The following BLTP1 variants were observed in gnomAD, a reference collection of about 807,000 sequenced individuals.
BLTP1 encodes the protein bridge-like lipid transfer protein family member 1, also known as fragile site-associated protein.
the BLTP1 span, chr4:122,247,068 T>G: frequency 9.8e-6 from 14 of 1,425,374 alleles, no homozygotes; most frequent in Non-Finnish European, 1.3e-5. Context: ...GAGTGTTTTG[T>G]TTTTTTTAAA....
At chr4:122,193,655 A>G in the BLTP1 span, 2 of 840,976 alleles carry the variant, frequency 2.4e-6, no homozygotes, top group Admixed American at 6.2e-5. Flanking sequence ...TCTTAAAATT[A>G]GTTAAATTAG....
chr4:122,261,937 A>C, the BLTP1 span: 1 of 985,372 alleles, frequency 1.0e-6, no homozygotes, highest in Non-Finnish European at 1.2e-6. Flanking sequence ...GAGGAGGTTA[A>C]GACATTTAAG....
the BLTP1 span, chr4:122,178,195 A>G: frequency 1.2e-6 from 1 of 842,698 alleles, no homozygotes; most frequent in Non-Finnish European, 1.4e-6. Flanking sequence ...ACCAGTAGAA[A>G]TTAATTCTTA....
At chr4:122,352,033 T>C in the BLTP1 span, among the ~76,000 whole-genome samples, 4 of 152,170 alleles carry the variant, frequency 2.6e-5, no homozygotes, top group Non-Finnish European at 5.9e-5. Flanking sequence ...GATTTTGATA[T>C]AGTAGGTACA....
At chr4:122,294,947 A>G in the BLTP1 span, among the ~76,000 whole-genome samples, 2 of 152,196 alleles carry the variant, frequency 1.3e-5, no homozygotes, top group African/African-American at 2.4e-5. Context: ...TGAAAAACAC[A>G]GCAGGAGAAC....
the BLTP1 span, chr4:122,254,967 A>G: frequency 6.3e-7 from 1 of 1,582,060 alleles, no homozygotes; most frequent in African/African-American, 1.4e-5. Context: ...TATGTCTTTA[A>G]ATAATACAAG....
At chr4:122,272,029 T>G in the BLTP1 span, 3 of 1,163,740 alleles carry the variant, frequency 2.6e-6, no homozygotes, top group Non-Finnish European at 2.4e-6. Flanking sequence ...TTTTTAATCA[T>G]TTTGTTGGGG....
At chr4:122,188,814 G>A in the BLTP1 span, 3 of 312,480 alleles carry the variant, frequency 9.6e-6, no homozygotes, top group Non-Finnish European at 1.4e-5. Context: ...CAGTGTCTCA[G>A]CTTTTATCTT....
chr4:122,153,008 C>T, the BLTP1 span: 1 of 985,362 alleles, frequency 1.0e-6, no homozygotes, highest in Non-Finnish European at 1.2e-6. Context: ...GAACAACCCC[C>T]GCTTTCTTCT....
At chr4:122,318,146 G>C in the BLTP1 span, 1 of 1,594,104 alleles carries the variant, frequency 6.3e-7, no homozygotes, top group African/African-American at 1.4e-5. Context: ...TTTGCATCCA[G>C]AAAATTAGGT....
the BLTP1 span, chr4:122,347,399 A>G: frequency 2.0e-5 from 27 of 1,356,532 alleles, no homozygotes; most frequent in Non-Finnish European, 2.6e-5. Flanking sequence ...CAGCTGCTAA[A>G]TAGAGAACTA....
At chr4:122,199,354 A>G in the BLTP1 span, 1 of 1,609,564 alleles carries the variant, frequency 6.2e-7, no homozygotes, top group South Asian at 1.1e-5. Context: ...TGTTTTTATT[A>G]TTAGGTTACA....
chr4:122,246,560 T>C, the BLTP1 span: 2 of 1,212,350 alleles, frequency 1.6e-6, no homozygotes, highest in Non-Finnish European at 2.3e-6. Context: ...TTCATAAGCT[T>C]TGTCTTCACT....
chr4:122,328,059 A>C, the BLTP1 span: 1 of 1,370,264 alleles, frequency 7.3e-7, no homozygotes, highest in African/African-American at 1.5e-5. Context: ...TTCTTTTTTT[A>C]ATTGAAATAT....
chr4:122,254,262 G>A, the BLTP1 span: 1 of 1,613,120 alleles, frequency 6.2e-7, no homozygotes, highest in Non-Finnish European at 8.5e-7. Flanking sequence ...CCAGATTCAT[G>A]TAGCATGAAG....
At chr4:122,220,556 T>C in the BLTP1 span, 1 of 1,145,576 alleles carries the variant, frequency 8.7e-7, no homozygotes, top group East Asian at 2.6e-5. Context: ...CTTCTGTGCA[T>C]GGACTTTGTA....
the BLTP1 span, among the ~76,000 whole-genome samples, chr4:122,257,830 TACTG>T: frequency 2.4e-4 from 36 of 152,334 alleles, no homozygotes; most frequent in East Asian, 6.4e-3. Context: ...GGAATCTTCA[TACTG>T]ACCTGATTTT....
At chr4:122,209,058 A>C in the BLTP1 span, 1 of 1,216,746 alleles carries the variant, frequency 8.2e-7, no homozygotes, top group Non-Finnish European at 1.0e-6. Context: ...TTTCTTTCAA[A>C]CTTATTTCCA....
At chr4:122,224,156 G>C in the BLTP1 span, 15 of 904,802 alleles carry the variant, frequency 1.7e-5, no homozygotes, top group Middle Eastern at 5.6e-4. Context: ...ATGATTCTTA[G>C]ATTTCTTACA....
Sources: allele counts gnomAD v4.1 joint callset (sites outside exome capture counted in the v4.1 genomes callset), GRCh38; gene constraint gnomAD v4.1.1; transcripts MANE v1.5; gene names NCBI Gene and HGNC (gene_info 2026-07-23, HGNC 2026-07-21).